The following PTPRT variants were observed in gnomAD, a reference collection of about 807,000 sequenced individuals.
The protein encoded by PTPRT is protein tyrosine phosphatase receptor type T.
Under a neutral mutation model 176.8 loss-of-function variants are expected in PTPRT, and 56 were observed. The observed-to-expected ratio is 0.32, with a 90% CI of 0.26 to 0.40. The LOEUF is 0.40. PTPRT is among the 10% of genes least tolerant of loss of function. The probability of loss-of-function intolerance (pLI) is 1.00; values close to 1 mark genes in which losing one functional copy is unlikely to be tolerated. For synonymous variants in PTPRT, 783 were observed against 739.0 expected (o/e 1.06, Z -0.96); for missense variants, 1,540 against 1,908.2 (o/e 0.81, Z 3.60).
intron 11 of PTPRT, among the ~76,000 whole-genome samples, chr20:42,335,197 G>T (rs550984029): frequency 3.3e-5 from 5 of 152,236 alleles, no homozygotes; most frequent in African/African-American, 7.2e-5. Context: ...CTGAAAAGGG[G>T]TGTTTATCAA....
At chr20:42,379,127 C>T (rs1439381044) in intron 9 of PTPRT, among the ~76,000 whole-genome samples, 1 of 152,196 alleles carries the variant, frequency 6.6e-6, no homozygotes, top group African/African-American at 2.4e-5. Flanking sequence ...CCAGCCTCCC[C>T]AGTCTTATGC....
intron 7 of PTPRT, among the ~76,000 whole-genome samples, chr20:42,539,187 A>G (rs1043601180): frequency 2.0e-5 from 3 of 152,126 alleles, no homozygotes; most frequent in Admixed American, 2.0e-4. Context: ...TTGACTCTGT[A>G]TCTCCAGACT....
At chr20:42,234,460 G>A (rs1188453826) in intron 15 of PTPRT, among the ~76,000 whole-genome samples, 2 of 152,140 alleles carry the variant, frequency 1.3e-5, no homozygotes, top group Admixed American at 6.5e-5. Context: ...TCGTACCTCC[G>A]TGTCTTTGCA....
At chr20:42,930,287 G>C (rs1979749208) in intron 1 of PTPRT, among the ~76,000 whole-genome samples, 1 of 152,142 alleles carries the variant, frequency 6.6e-6, no homozygotes, top group Non-Finnish European at 1.5e-5. Flanking sequence ...CATCAGCTGA[G>C]GGGGCTGGAT....
chr20:42,314,469 C>A (rs1388507714), intron 12 of PTPRT, among the ~76,000 whole-genome samples: 1 of 144,536 alleles, frequency 6.9e-6, no homozygotes, highest in Non-Finnish European at 1.5e-5. Context: ...GTGGAGCTTG[C>A]AGTGAGCCAA....
chr20:42,773,101 T>A (rs917281845), intron 4 of PTPRT, among the ~76,000 whole-genome samples: 1 of 152,180 alleles, frequency 6.6e-6, no homozygotes, highest in Non-Finnish European at 1.5e-5. Context: ...GACTCCAGGG[T>A]CTGCAGAAGG....
At chr20:43,115,123 C>A (rs1395538544) in intron 1 of PTPRT, among the ~76,000 whole-genome samples, 1 of 152,196 alleles carries the variant, frequency 6.6e-6, no homozygotes, top group African/African-American at 2.4e-5. Context: ...TCTTATACTT[C>A]TTTCCCCCCA....
chr20:43,105,704 C>T (rs2425598), intron 1 of PTPRT, among the ~76,000 whole-genome samples: 46,543 of 152,138 alleles, frequency 0.31, 7,579 homozygotes, highest in Non-Finnish European at 0.37. Flanking sequence ...CCAGCCTTCT[C>T]TGCTCTTTCT....
intron 7 of PTPRT, among the ~76,000 whole-genome samples, chr20:42,529,497 T>A (rs562073750): frequency 4.6e-5 from 7 of 152,212 alleles, no homozygotes; most frequent in Non-Finnish European, 1.0e-4. Flanking sequence ...TTTTATTTTA[T>A]TTTTTTGGAG....
chr20:42,321,511 C>T (rs1192135469), intron 11 of PTPRT, among the ~76,000 whole-genome samples: 1 of 152,186 alleles, frequency 6.6e-6, no homozygotes, highest in East Asian at 1.9e-4. Context: ...TTCTCACTCC[C>T]TTGGAAGACA....
chr20:42,306,164 C>G (rs139169444), intron 12 of PTPRT, among the ~76,000 whole-genome samples: 2 of 152,290 alleles, frequency 1.3e-5, no homozygotes, highest in Admixed American at 1.3e-4. Context: ...TCTGTAGAAA[C>G]TGTAAGTGGA....
intron 21 of PTPRT, chr20:42,116,054 C>G: frequency 1.4e-6 from 1 of 725,204 alleles, no homozygotes; most frequent in Non-Finnish European, 2.6e-6. Context: ...CGGGGGACGC[C>G]GCACGGCCTA....
chr20:42,883,970 CACACACGCAT>C (rs1160059131), intron 2 of PTPRT, among the ~76,000 whole-genome samples: 11 of 151,878 alleles, frequency 7.2e-5, no homozygotes, highest in African/African-American at 2.7e-4. Flanking sequence ...CATACACACA[CACACACGCAT>C]ACACACACGT....
In PTPRT at chr20:42,505,962, A is replaced by C. The variant is rs2071836637; in HGVS notation, c.1154-33400T>G. ...AGGTTGAGCCAGAGCAAGTAGTTGA[A>C]AAGATTTTCTATGCCCCTTTCCTCC... On this transcript the variant is annotated intron_variant, in intron 7 of 30. Transcript: ENST00000373187. Among the ~76,000 whole-genome samples, 3 of 152,150 alleles carry C rather than the reference A, an allele frequency of 2.0e-5. No individual in the cohort carries two copies. The South Asian group carries it at 6.2e-4, about 31-fold the overall frequency.
At chr20:42,221,448 A>T (rs2055883697) in intron 15 of PTPRT, among the ~76,000 whole-genome samples, 1 of 152,138 alleles carries the variant, frequency 6.6e-6, no homozygotes, top group African/African-American at 2.4e-5. Flanking sequence ...CAGGAAACTT[A>T]CAATCATGAC....
chr20:42,058,678 G>A, the PTPRT span, among the ~76,000 whole-genome samples: 3 of 152,182 alleles, frequency 2.0e-5, no homozygotes, highest in Non-Finnish European at 4.4e-5. Flanking sequence ...CAGTGAAGGA[G>A]GCTTCTGAGA....
At chr20:42,109,487 C>T (rs1412755800) in intron 23 of PTPRT, among the ~76,000 whole-genome samples, 3 of 152,200 alleles carry the variant, frequency 2.0e-5, no homozygotes, top group Admixed American at 2.0e-4. Context: ...GAAAATATCT[C>T]TTCTTCATAA....
At chr20:42,813,690 G>C (rs1319640924) in intron 2 of PTPRT, among the ~76,000 whole-genome samples, 2 of 152,042 alleles carry the variant, frequency 1.3e-5, no homozygotes, top group Non-Finnish European at 2.9e-5. Flanking sequence ...TCTTTATTCT[G>C]TCTGATTTCT....
chr20:42,468,037 A>C (rs1456492173), intron 8 of PTPRT, among the ~76,000 whole-genome samples: 2 of 152,232 alleles, frequency 1.3e-5, no homozygotes, highest in Non-Finnish European at 2.9e-5. Context: ...GAAAAGGGAA[A>C]AATAAAGAAT....
Sources: allele counts gnomAD v4.1 joint callset (sites outside exome capture counted in the v4.1 genomes callset), GRCh38; gene constraint gnomAD v4.1.1; transcripts MANE v1.5; gene names NCBI Gene and HGNC (gene_info 2026-07-23, HGNC 2026-07-21).